TAB1: variants seen among roughly 807,000 people sequenced by gnomAD.
The protein encoded by TAB1 is TGF-beta activated kinase 1 (MAP3K7) binding protein 1.
Under a neutral mutation model 54.5 loss-of-function variants are expected in TAB1, and 30 were observed. The ratio of observed to expected loss-of-function variants is 0.55; its 90% CI spans 0.41 to 0.75. The LOEUF is 0.75. Among genes scored for constraint, TAB1 ranks in the 30% least tolerant of loss-of-function variants. The pLI is 0.00. For synonymous variants in TAB1, 289 were observed against 286.9 expected, an observed-to-expected ratio of 1.01 and a Z score of -0.07; for missense variants, 609 against 683.2, an observed-to-expected ratio of 0.89 and a Z score of 1.21.
chr22:39,427,062 T>C (rs1927383237), intron 9 of TAB1, 137 bp downstream of exon 9: 1 of 865,246 alleles, frequency 1.2e-6, no homozygotes, highest in African/African-American at 1.7e-5. Flanking sequence ...TCAGGTTCTC[T>C]GATTTTTAGC....
At chr22:39,412,458 A>AC (rs1926647987) in intron 1 of TAB1, among the ~76,000 whole-genome samples, 1 of 151,970 alleles carries the variant, frequency 6.6e-6, no homozygotes, top group South Asian at 2.1e-4. Flanking sequence ...GGTGGTAGTT[A>AC]CACACATCTC....
At chr22:39,411,942 T>A (rs1040766955) in intron 1 of TAB1, among the ~76,000 whole-genome samples, 1 of 152,108 alleles carries the variant, frequency 6.6e-6, no homozygotes, top group African/African-American at 2.4e-5. Flanking sequence ...CTTGGATGAG[T>A]CTTAGAGACA....
At position 39,428,007 on chromosome 22, in the gene TAB1, T is replaced by C. The variant is rs1391101000; in HGVS notation, c.1145-14T>C. The stretch of plus-strand genomic sequence containing the variant: ...CAGCTGCTGCCTGAGGCCCCCACTC[T>C]CTTCCTCCCAAAGCTGCAGGAGGAC... On this transcript the variant is annotated splice_polypyrimidine_tract_variant and intron_variant, in intron 9 of 10. Coordinates refer to ENST00000216160, the MANE Select transcript of TAB1 (RefSeq NM_006116.3). 1.3e-6 allele frequency: 2 copies of C among 1,570,268 alleles called. No homozygotes were observed. Among genetic ancestry groups the C allele is most frequent in the East Asian group, 4.5e-5 (2 of 44,034 alleles).
chr22:39,423,476 G>A (rs1040092597), intron 8 of TAB1, among the ~76,000 whole-genome samples: 2 of 152,088 alleles, frequency 1.3e-5, no homozygotes, highest in African/African-American at 4.8e-5. Context: ...GTGGTGGCAG[G>A]CACCTGTAAT....
intron 1 of TAB1, among the ~76,000 whole-genome samples, chr22:39,402,984 A>G (rs1400186957): frequency 6.6e-6 from 1 of 152,242 alleles, no homozygotes; most frequent in African/African-American, 2.4e-5. Flanking sequence ...CTCCAAACCA[A>G]GAGGACTCTG....
chr22:39,433,762 C>A (rs955865158), downstream of TAB1: 89 of 985,344 alleles, frequency 9.0e-5, no homozygotes, highest in Non-Finnish European at 9.8e-5. Context: ...CGACTCCAGG[C>A]TGCTCAGACA....
chr22:39,436,727 C>G (rs1181898288), downstream of TAB1: 1 of 620,562 alleles, frequency 1.6e-6, no homozygotes. Context: ...GCATCTGTGT[C>G]CACTGAGGCT....
chr22:39,435,828 C>A (rs1381752954), downstream of TAB1, among the ~76,000 whole-genome samples: 3 of 152,156 alleles, frequency 2.0e-5, no homozygotes, highest in African/African-American at 7.2e-5. Flanking sequence ...GGCTGACAGC[C>A]TCCCATCTTC....
intron 8 of TAB1, among the ~76,000 whole-genome samples, chr22:39,422,400 C>CTTTTTTTTTTTTTT (rs965591327): frequency 3.4e-5 from 3 of 88,522 alleles, no homozygotes; most frequent in African/African-American, 4.9e-5. Context: ...CTTCTCATTT[C>CTTTTTTTTTTTTTT]TTTTTTTTTT....
intron 3 of TAB1, among the ~76,000 whole-genome samples, chr22:39,416,477 A>G (rs1398399353): frequency 1.3e-5 from 2 of 152,238 alleles, no homozygotes; most frequent in East Asian, 3.9e-4. Flanking sequence ...CAGAGGTCAC[A>G]CCAGCTGGGC....
chr22:39,433,314 G>A (rs1927657760), downstream of TAB1: 1 of 762,184 alleles, frequency 1.3e-6, no homozygotes, highest in South Asian at 5.9e-5. Context: ...AGCCGGATGT[G>A]GTGGTGGGCA....
chr22:39,431,417 T>C lies in TAB1; in HGVS notation c.*1195T>C, dbSNP rs1261080494. ...AGCCAGAGCTCAGACCTGAGCCATT[T>C]TGTCAGTATCCAGGACCCCCCGGAT... On this transcript the variant is annotated 3_prime_UTR_variant, in exon 11 of 11. Transcript: ENST00000216160. The C allele has an allele frequency of 3.0e-6, 3 of 985,446 alleles. No homozygotes were observed. Among genetic ancestry groups the C allele is most frequent in the South Asian group, 9.4e-5 (2 of 21,284 alleles). 61.0% of individuals were successfully genotyped at this position (985,446 alleles called of 1,614,324 possible).
chr22:39,420,773 CTCTGTG>C (rs1469779093), intron 7 of TAB1, among the ~76,000 whole-genome samples: 9 of 106,074 alleles, frequency 8.5e-5, no homozygotes, highest in Admixed American at 3.3e-4. Context: ...CACACGGTGT[CTCTGTG>C]TGTGTGTGTG....
At chr22:39,436,166 G>T (rs940170420), downstream of TAB1, among the ~76,000 whole-genome samples, 2 of 152,162 alleles carry the variant, frequency 1.3e-5, no homozygotes, top group Non-Finnish European at 1.5e-5. Flanking sequence ...TGTGGTGCAT[G>T]CCTGTAGTCC....
intron 1 of TAB1, among the ~76,000 whole-genome samples, chr22:39,403,614 T>C (rs1926237724): frequency 6.7e-6 from 1 of 150,336 alleles, no homozygotes; most frequent in Non-Finnish European, 1.5e-5. Flanking sequence ...TGATGTGATG[T>C]GACTTTTGAT....
intron 1 of TAB1, among the ~76,000 whole-genome samples, chr22:39,412,073 C>T (rs916355541): frequency 2.0e-5 from 3 of 152,118 alleles, no homozygotes; most frequent in Non-Finnish European, 2.9e-5. Flanking sequence ...AGTCTCACTC[C>T]GTCGCCCAGG....
At chr22:39,435,659 C>T (rs1340335636), downstream of TAB1, among the ~76,000 whole-genome samples, 2 of 152,158 alleles carry the variant, frequency 1.3e-5, no homozygotes, top group African/African-American at 2.4e-5. Context: ...GGGTGGTGGG[C>T]CCCCTTCCCC....
Position 39,426,923 on chromosome 22 carries a change from C to A in TAB1, c.1142C>A (p.Pro381Gln). 1 of 1,610,686 alleles carries A rather than the reference C, an allele frequency of 6.2e-7. No individual in the cohort carries two copies. Among genetic ancestry groups the A allele is most frequent in the South Asian group, 1.1e-5 (1 of 91,030 alleles). ...EMSQPTPSPA[P>Q]AAGGRVYPVS... ...AGCCAGCCCACACCGAGCCCAGCCCCAGGTACGTGTGCTGTGCAGACAGGC... is the reference window on the plus strand; with the variant it reads ...AGCCAGCCCACACCGAGCCCAGCCCAAGGTACGTGTGCTGTGCAGACAGGC... The change falls in exon 9 of 11, where the codon CCA (proline) becomes CAA (glutamine). Residue 381 changes from proline (P) to glutamine (Q), a missense_variant and splice_region_variant. Physicochemically the swap from Pro to Gln is moderately conservative, Grantham distance 76. Transcript: ENST00000216160.
rs1311532350 is a variant in TAB1, at chr22:39,428,153, C to T, written c.1277C>T (p.Thr426Ile). The T allele has an allele frequency of 6.2e-7, 1 of 1,611,290 alleles. No individual in the cohort carries two copies. Among genetic ancestry groups the T allele is most frequent in the Admixed American group, 1.7e-5 (1 of 59,878 alleles). ...QMVNGAHSASTLDEATPTLTN... is the reference protein window; with the variant it reads ...QMVNGAHSASILDEATPTLTN... Reference sequence around the variant, plus strand: ...GTCAACGGGGCTCACAGTGCTTCCACCCTGGACGAAGCCACCCCCACCCTC... The same window carrying T: ...GTCAACGGGGCTCACAGTGCTTCCATCCTGGACGAAGCCACCCCCACCCTC... Residue 426 changes from threonine to isoleucine, a missense_variant, in exon 10 of 11, where the codon ACC (threonine) becomes ATC (isoleucine). Coordinates refer to ENST00000216160, the MANE Select transcript of TAB1 (RefSeq NM_006116.3).
Sources: gnomAD v4.1 joint callset for allele counts (sites outside exome capture counted in the v4.1 genomes callset) on GRCh38, gnomAD v4.1.1 for gene constraint, MANE v1.5 for transcripts, NCBI Gene and HGNC (gene_info 2026-07-23, HGNC 2026-07-21) for gene names.